ANKRD31: variants seen among roughly 807,000 people sequenced by gnomAD.
The protein encoded by ANKRD31 is ankyrin repeat domain 31, also known as ankyrin repeat domain-containing protein 31.
ANKRD31 carries 147 observed loss-of-function variants against 186.0 expected under a neutral mutation model. The ratio of observed to expected loss-of-function variants is 0.79; its 90% CI spans 0.69 to 0.91. The LOEUF is 0.91. Among genes scored for constraint, ANKRD31 ranks in the 40% least tolerant of loss-of-function variants. The pLI is 0.00. For synonymous variants in ANKRD31, 673 were observed against 736.4 expected, an observed-to-expected ratio of 0.91 and a Z score of 1.39; for missense variants, 1,986 against 2,148.8, an observed-to-expected ratio of 0.92 and a Z score of 1.50.
chr5:75,112,618 T>C lies in ANKRD31; in HGVS notation c.4156-18A>G. Reference sequence around the variant, plus strand: ...GTCTGATGCTATCAGATAAAAATATTTGAAACTTCATTATAAAGGGGTAGA... The same window carrying C: ...GTCTGATGCTATCAGATAAAAATATCTGAAACTTCATTATAAAGGGGTAGA... On this transcript the variant is annotated intron_variant, in intron 19 of 25. Coordinates refer to ENST00000506364, the MANE Select transcript of ANKRD31 (RefSeq NM_001372053.1). The C allele has an allele frequency of 6.9e-7, 1 of 1,448,652 alleles. No homozygotes were observed. The highest frequency in any genetic ancestry group is 9.3e-7 in the Non-Finnish European group (1 of 1,079,746). 89.7% of individuals were successfully genotyped at this position (1,448,652 alleles called of 1,614,324 possible).
At chr5:75,097,710 T>A (rs1746447774) in intron 22 of ANKRD31, among the ~76,000 whole-genome samples, 1 of 152,216 alleles carries the variant, frequency 6.6e-6, no homozygotes, top group African/African-American at 2.4e-5. Context: ...GCTTTTGGTG[T>A]TTTAGTCATG....
At chr5:75,155,751 A>G (rs1228914775) in intron 11 of ANKRD31, among the ~76,000 whole-genome samples, 1 of 152,132 alleles carries the variant, frequency 6.6e-6, no homozygotes, top group East Asian at 1.9e-4. Flanking sequence ...AAGCGTATAT[A>G]TATTTCCTTT....
At chr5:75,169,955 G>A (rs1019530550) in intron 10 of ANKRD31, among the ~76,000 whole-genome samples, 2 of 152,048 alleles carry the variant, frequency 1.3e-5, no homozygotes, top group South Asian at 4.2e-4. Flanking sequence ...GGAGGGGGTG[G>A]GAGCAAAAGC....
intron 6 of ANKRD31, among the ~76,000 whole-genome samples, chr5:75,197,266 G>A (rs1443050181): frequency 6.6e-6 from 1 of 152,158 alleles, no homozygotes; most frequent in African/African-American, 2.4e-5. Context: ...TTCAGAATGA[G>A]TTTATAAGCC....
At chr5:75,199,706 T>G (rs1755693062) in intron 5 of ANKRD31, 32 bp from the exon 6 acceptor site, 1 of 1,519,560 alleles carries the variant, frequency 6.6e-7, no homozygotes, top group African/African-American at 1.4e-5. Flanking sequence ...TCATTCCAGT[T>G]TTATGGAAGC....
In ANKRD31 at chr5:75,182,526, C is replaced by T. The variant is rs574164068; in HGVS notation, c.1564+5967G>A. Among the ~76,000 whole-genome samples, 3 of 152,120 alleles carry T rather than the reference C, an allele frequency of 2.0e-5. No individual in the cohort carries two copies. In the South Asian group the frequency reaches 6.3e-4, roughly 32 times the overall value. ...CTGAAGTCAGGAATTCAAGACCAGC[C>T]TGGCCAACATGGTAAAACCCCATCT... is the stretch of plus-strand genomic sequence containing the variant. On this transcript the variant is annotated intron_variant, in intron 10 of 25. Coordinates refer to ENST00000506364, the MANE Select transcript of ANKRD31 (RefSeq NM_001372053.1).
chr5:75,223,930 G>C (rs1039109645), intron 2 of ANKRD31, among the ~76,000 whole-genome samples: 1 of 151,784 alleles, frequency 6.6e-6, no homozygotes, highest in Non-Finnish European at 1.5e-5. Context: ...GCAGCCATCC[G>C]CACAATCCAG....
At chr5:75,182,072 T>C (rs1414661247) in intron 10 of ANKRD31, among the ~76,000 whole-genome samples, 1 of 152,164 alleles carries the variant, frequency 6.6e-6, no homozygotes, top group Non-Finnish European at 1.5e-5. Flanking sequence ...ATGTAGAATC[T>C]AGATAGTAGG....
intron 24 of ANKRD31, among the ~76,000 whole-genome samples, chr5:75,083,254 T>C (rs909016670): frequency 6.6e-6 from 1 of 152,202 alleles, no homozygotes; most frequent in African/African-American, 2.4e-5. Context: ...TGTACTAGCA[T>C]GTCAGCACTG....
chr5:75,112,570 T>TA lies in ANKRD31; in HGVS notation c.4185dup (p.Ile1396TyrfsTer12). On this transcript the variant is annotated frameshift_variant, in exon 20 of 26. Transcript: ENST00000506364. LOFTEE classifies it high-confidence loss of function. ...AATAAATATTCTTGTTTTTCTTCTA[T>TA]ATCTTGTAGAATGGCACTGAGGGTC... 1 of 1,525,966 alleles carries TA rather than the reference T, an allele frequency of 6.6e-7. No individual in the cohort carries two copies. The highest frequency in any genetic ancestry group is 1.2e-5 in the South Asian group (1 of 82,684). 94.5% of individuals were successfully genotyped at this position (1,525,966 alleles called of 1,614,324 possible).
chr5:75,207,607 C>T (rs1756341244), intron 4 of ANKRD31, among the ~76,000 whole-genome samples: 1 of 151,846 alleles, frequency 6.6e-6, no homozygotes, highest in Non-Finnish European at 1.5e-5. Flanking sequence ...CATTATGACA[C>T]AAGAAAATAA....
rs762870365 is a variant in ANKRD31 at position 75,169,003 on chromosome 5, AT to A, written c.1682del (p.Asp561ValfsTer3). On this transcript the variant is annotated frameshift_variant, in exon 11 of 26. Coordinates refer to ENST00000506364, the MANE Select transcript of ANKRD31 (RefSeq NM_001372053.1). LOFTEE classifies it high-confidence loss of function. ...CCTTATAATGTCCATTCATCACTGC[AT>A]CATGTAGGGGAGTAATCTGGTATAA... ...KGLYQITPLH[D>X]AVMNGHYKVA... is the part of the protein sequence containing the mutation. The A allele has an allele frequency of 1.3e-6, 2 of 1,536,306 alleles. No individual in the cohort carries two copies. Among genetic ancestry groups the A allele is most frequent in the South Asian group, 2.4e-5 (2 of 83,988 alleles).
chr5:75,104,661 T>C lies in ANKRD31; in HGVS notation c.4898A>G (p.Tyr1633Cys), dbSNP rs1361623181. Residue 1633 changes from tyrosine (Y) to cysteine (C), a missense_variant, in exon 22 of 26, where the codon TAT becomes TGT. Transcript: ENST00000506364. ...TTTGCCGATTACTGGGGAAGAAACA[T>C]AGAATTCATGGTCTTTGTCTGTAGC... ...TEATDKDHEF[Y>C]VSSPVIGKLN... 9.1e-6 allele frequency: 14 copies of C among 1,535,934 alleles called. No individual in the cohort carries two copies. Among genetic ancestry groups the C allele is most frequent in the Middle Eastern group, 1.7e-4 (1 of 5,984 alleles).
chr5:75,082,772 A>C (rs900093559), intron 24 of ANKRD31, among the ~76,000 whole-genome samples: 2 of 152,234 alleles, frequency 1.3e-5, no homozygotes, highest in African/African-American at 2.4e-5. Context: ...ATTCAGAGAA[A>C]GGAATTGTGA....
At chr5:75,156,705 T>G (rs1752204872) in intron 11 of ANKRD31, among the ~76,000 whole-genome samples, 1 of 152,120 alleles carries the variant, frequency 6.6e-6, no homozygotes, top group Admixed American at 6.6e-5. Flanking sequence ...GAGGAAAAGC[T>G]GAGGTAAAGT....
At chr5:75,117,125 C>T (rs543848385) in intron 18 of ANKRD31, among the ~76,000 whole-genome samples, 1 of 152,268 alleles carries the variant, frequency 6.6e-6, no homozygotes, top group Admixed American at 6.5e-5. Context: ...TTCCCTTTCT[C>T]TATATTATCA....
chr5:75,149,958 T>C (rs1399163618), intron 12 of ANKRD31, among the ~76,000 whole-genome samples: 1 of 151,928 alleles, frequency 6.6e-6, no homozygotes, highest in East Asian at 1.9e-4. Flanking sequence ...GTTTTAAGAC[T>C]TTACATTCCC....
In ANKRD31 at chr5:75,175,828, T is replaced by C. The variant is rs537158401; in HGVS notation, c.1565-6707A>G. Among the ~76,000 whole-genome samples the C allele has an allele frequency of 2.0e-5, 3 of 152,214 alleles. No individual in the cohort carries two copies. In the East Asian group the frequency reaches 5.8e-4, roughly 30 times the overall value. ...TGAGCGATGCAGAAGACGGGTGATTTCTGCATTTCCAACTGCGGTACCGAG... is the reference window on the plus strand; with the variant it reads ...TGAGCGATGCAGAAGACGGGTGATTCCTGCATTTCCAACTGCGGTACCGAG... On this transcript the variant is annotated intron_variant, in intron 10 of 25. Coordinates refer to ENST00000506364, the MANE Select transcript of ANKRD31 (RefSeq NM_001372053.1).
chr5:75,141,336 ATG>A (rs565934388), intron 15 of ANKRD31, among the ~76,000 whole-genome samples: 16 of 150,694 alleles, frequency 1.1e-4, no homozygotes, highest in African/African-American at 2.7e-4. Flanking sequence ...TTGAAAACTT[ATG>A]TGTGTGTGTG....
Sources: gnomAD v4.1 joint callset for allele counts (sites outside exome capture counted in the v4.1 genomes callset) on GRCh38, gnomAD v4.1.1 for gene constraint, MANE v1.5 for transcripts, NCBI Gene and HGNC (gene_info 2026-07-23, HGNC 2026-07-21) for gene names.